Variants in COLEC12 observed in about 807,000 individuals in gnomAD.
COLEC12 encodes the protein collectin-12.
In COLEC12, 33 loss-of-function variants were observed where a neutral mutation model predicts 71.1. That is an observed-to-expected ratio of 0.46 (90% confidence interval 0.35 to 0.62). The LOEUF is 0.62. Ranked by LOEUF, COLEC12 falls within the 20% of genes least tolerant of loss-of-function variation. COLEC12 has a pLI of 0.00. For missense variants in COLEC12, 765 were observed against 916.1 expected (o/e 0.84, Z 2.13); for synonymous variants, 350 against 353.0 (o/e 0.99, Z 0.10).
chr18:407,971 A>G (rs1365214289), intron 2 of COLEC12, among the ~76,000 whole-genome samples: 1 of 152,260 alleles, frequency 6.6e-6, no homozygotes, highest in African/African-American at 2.4e-5. Context: ...ATATATAGTC[A>G]GAATTGCAAA....
chr18:462,279 T>C (rs1435854466), intron 2 of COLEC12, among the ~76,000 whole-genome samples: 3 of 152,188 alleles, frequency 2.0e-5, no homozygotes, highest in Non-Finnish European at 4.4e-5. Flanking sequence ...ACTACCCAAA[T>C]GCCTACCAAT....
intron 2 of COLEC12, among the ~76,000 whole-genome samples, chr18:450,952 G>A (rs1214560232): frequency 6.6e-6 from 1 of 152,234 alleles, no homozygotes; most frequent in Non-Finnish European, 1.5e-5. Context: ...TGGCCACACT[G>A]TGCCCCTGCT....
intron 2 of COLEC12, chr18:424,038 C>T (rs932198938): frequency 3.9e-5 from 6 of 152,160 alleles, no homozygotes; most frequent in Admixed American, 1.3e-4. Context: ...GCCACTAAAC[C>T]GAGTTTCCAG....
At chr18:366,154 G>A (rs1457795605) in intron 2 of COLEC12, among the ~76,000 whole-genome samples, 1 of 152,186 alleles carries the variant, frequency 6.6e-6, no homozygotes, top group Non-Finnish European at 1.5e-5. Context: ...TCCAGTGGGA[G>A]GATGTCTTCA....
chr18:454,614 G>A (rs891638676), intron 2 of COLEC12, among the ~76,000 whole-genome samples: 6 of 152,200 alleles, frequency 3.9e-5, no homozygotes, highest in African/African-American at 7.2e-5. Context: ...CCCAGGTGGT[G>A]GAGGTTGCAG....
At chr18:417,199 C>T (rs946578177) in intron 2 of COLEC12, among the ~76,000 whole-genome samples, 1 of 152,052 alleles carries the variant, frequency 6.6e-6, no homozygotes, top group Non-Finnish European at 1.5e-5. Flanking sequence ...GCTATTGCTA[C>T]GAGGCTACAA....
rs553914968 is a variant in COLEC12, at chr18:368,871, C to A, written c.59-11349G>T. 3.5e-3 allele frequency among the ~76,000 whole-genome samples: 537 copies of A among 152,156 alleles called. 2 individuals carry two copies. The highest frequency in any genetic ancestry group is 6.6e-3 in the South Asian group (32 of 4,822). ...ACAGAGCGAGACTCCGTCTCAAAAA[C>A]AAAACAAAACAAAACACAAAAACAA... On this transcript the variant is annotated intron_variant, in intron 2 of 9. Transcript: ENST00000400256.
At chr18:433,740 A>G (rs1916349072) in intron 2 of COLEC12, among the ~76,000 whole-genome samples, 1 of 152,156 alleles carries the variant, frequency 6.6e-6, no homozygotes. Context: ...TGGAAAGCCA[A>G]GCTGGGTGGA....
intron 5 of COLEC12, among the ~76,000 whole-genome samples, chr18:341,494 C>A (rs1286035436): frequency 6.6e-6 from 1 of 152,212 alleles, no homozygotes; most frequent in Non-Finnish European, 1.5e-5. Context: ...GGGTCTGATT[C>A]ATCTCTAAGG....
chr18:332,396 G>A (rs189192888), intron 7 of COLEC12, among the ~76,000 whole-genome samples: 11 of 152,310 alleles, frequency 7.2e-5, no homozygotes, highest in Middle Eastern at 3.4e-3. Context: ...CAAAGAAAGC[G>A]CTGCATTGTT....
intron 2 of COLEC12, among the ~76,000 whole-genome samples, chr18:440,026 A>G (rs1916483426): frequency 6.6e-6 from 1 of 151,558 alleles, no homozygotes; most frequent in Non-Finnish European, 1.5e-5. Flanking sequence ...TTATTCAGCC[A>G]TAAGAAAGAA....
Position 318,076 on chromosome 18 carries a change from A to G in COLEC12, c.*1969T>C, listed in dbSNP as rs953341101. 44 of 146,428 alleles carry G rather than the reference A, an allele frequency of 3.0e-4. 1 individual carries two copies. Among genetic ancestry groups the G allele is most frequent in the Admixed American group, 1.4e-4 (2 of 14,640 alleles). The allele number at this position is 146,428 out of a possible 1,614,324, so 9.1% of individuals were successfully genotyped here. On this transcript the variant is annotated 3_prime_UTR_variant, in exon 10 of 10. Transcript: ENST00000400256. ...ACTGCAAGCTCCGCTTCCTGGGTTC[A>G]CGCCATTCTCCTGCCTCAGCCTCCC... is the stretch of plus-strand genomic sequence containing the variant.
chr18:344,603 T>G (rs1914331620), intron 5 of COLEC12, among the ~76,000 whole-genome samples: 1 of 152,224 alleles, frequency 6.6e-6, no homozygotes, highest in Non-Finnish European at 1.5e-5. Flanking sequence ...GTTACTTCCC[T>G]TTTTCTTAAC....
At chr18:479,962 C>A (rs981381679) in intron 2 of COLEC12, among the ~76,000 whole-genome samples, 1 of 152,272 alleles carries the variant, frequency 6.6e-6, no homozygotes, top group African/African-American at 2.4e-5. Context: ...TCCATTAATG[C>A]CCTTGCATTT....
At chr18:482,855 C>T (rs1350189619) in intron 1 of COLEC12, among the ~76,000 whole-genome samples, 7 of 151,752 alleles carry the variant, frequency 4.6e-5, no homozygotes, top group South Asian at 2.1e-4. Flanking sequence ...TCAGGTGATC[C>T]GCCCGCCTCG....
chr18:439,960 C>T (rs897403494), intron 2 of COLEC12, among the ~76,000 whole-genome samples: 1 of 148,402 alleles, frequency 6.7e-6, no homozygotes, highest in Admixed American at 6.9e-5. Flanking sequence ...TTGACACATT[C>T]GTGGGTAAAT....
chr18:473,474 T>C (rs968540372), intron 2 of COLEC12, among the ~76,000 whole-genome samples: 1 of 147,280 alleles, frequency 6.8e-6, no homozygotes, highest in African/African-American at 2.5e-5. Context: ...GTGATTCTCC[T>C]GCCTCAGCCT....
chr18:334,935 C>G lies in COLEC12; in HGVS notation c.1623G>C (p.Gln541His). 6.4e-7 allele frequency: 1 copy of G among 1,567,540 alleles called. No homozygotes were observed. Among genetic ancestry groups the G allele is most frequent in the Non-Finnish European group, 8.6e-7 (1 of 1,164,726 alleles). ...PPGKEGLPGP[Q>H]GPPGFQGLQG... ...GAAGTCCCTGGAAGCCAGGAGGGCC[C>G]TGAGGGCCGGGGAGTCCCTCTTTGC... The change falls in exon 6 of 10, where the codon CAG becomes CAC. Residue 541 changes from glutamine (Q) to histidine (H), a missense_variant. Transcript: ENST00000400256.
intron 4 of COLEC12, among the ~76,000 whole-genome samples, chr18:347,850 A>AT (rs1207579985): frequency 6.6e-6 from 1 of 152,170 alleles, no homozygotes; most frequent in Non-Finnish European, 1.5e-5. Context: ...TATTTGGCAC[A>AT]TAATAGTTTT....
Sources: allele counts gnomAD v4.1 joint callset (sites outside exome capture counted in the v4.1 genomes callset), GRCh38; gene constraint gnomAD v4.1.1; transcripts MANE v1.5; gene names NCBI Gene and HGNC (gene_info 2026-07-23, HGNC 2026-07-21).